The following RAF1 variants were observed in gnomAD, a reference collection of about 807,000 sequenced individuals.
RAF1 encodes RAF proto-oncogene serine/threonine-protein kinase.
RAF1 carries 27 observed loss-of-function variants against 81.1 expected under a neutral mutation model. That is an observed-to-expected ratio of 0.33 (90% confidence interval 0.25 to 0.46). The LOEUF is 0.46. Ranked by LOEUF, RAF1 falls within the 20% of genes least tolerant of loss-of-function variation. The probability of loss-of-function intolerance (pLI) is 1.00; values close to 1 mark genes in which losing one functional copy is unlikely to be tolerated. For missense variants in RAF1, 598 were observed against 826.0 expected (o/e 0.72, Z 3.38); for synonymous variants, 298 against 294.0 (o/e 1.01, Z -0.14).
chr3:12,634,675 G>T (rs74393991), intron 1 of RAF1, among the ~76,000 whole-genome samples: 2,165 of 151,820 alleles, frequency 0.014, 32 homozygotes, highest in Admixed American at 0.044. Flanking sequence ...TTTTTTTCTT[G>T]AGAGTGCCAG....
At chr3:12,650,076 G>A (rs1184534572) in intron 1 of RAF1, among the ~76,000 whole-genome samples, 1 of 150,234 alleles carries the variant, frequency 6.7e-6, no homozygotes, top group Non-Finnish European at 1.5e-5. Context: ...AACCCAGGAG[G>A]CGGAGGTCGC....
At chr3:12,592,753 T>C (rs920071822) in intron 11 of RAF1, among the ~76,000 whole-genome samples, 4 of 131,086 alleles carry the variant, frequency 3.1e-5, no homozygotes, top group Non-Finnish European at 6.7e-5. Context: ...TTTTTTTTTT[T>C]GAGACAGAGT....
intron 1 of RAF1, among the ~76,000 whole-genome samples, chr3:12,653,483 T>C (rs1232939303): frequency 6.6e-6 from 1 of 152,140 alleles, no homozygotes; most frequent in Non-Finnish European, 1.5e-5. Flanking sequence ...CATTGGCTCA[T>C]TCCTGTCATC....
chr3:12,643,497 T>C (rs1575654110), intron 1 of RAF1, among the ~76,000 whole-genome samples: 1 of 152,266 alleles, frequency 6.6e-6, no homozygotes, highest in Non-Finnish European at 1.5e-5. Flanking sequence ...TCCCAGCACT[T>C]TGAGAGGCTG....
intron 6 of RAF1, among the ~76,000 whole-genome samples, chr3:12,604,754 T>A (rs766238287): frequency 1.6e-4 from 25 of 152,292 alleles, no homozygotes; most frequent in Non-Finnish European, 1.6e-4. Context: ...CTGTTTGTCC[T>A]TACCTGCTAC....
At chr3:12,591,002 G>A (rs750873446) in intron 12 of RAF1, 28 bp from the exon 12 acceptor site, 3 of 1,580,676 alleles carry the variant, frequency 1.9e-6, no homozygotes, top group Admixed American at 3.4e-5. Flanking sequence ...AGAGAGGAGA[G>A]GGAGGAGGAA....
chr3:12,587,962 CTTTTT>C (rs33981119), intron 13 of RAF1: 48 of 62,680 alleles, frequency 7.7e-4, no homozygotes, highest in South Asian at 3.8e-3. Flanking sequence ...ACCATGCCGC[CTTTTT>C]TTTTTTTTTT....
intron 1 of RAF1, among the ~76,000 whole-genome samples, chr3:12,629,440 ATG>A (rs2059801412): frequency 6.6e-6 from 1 of 152,210 alleles, no homozygotes; most frequent in Non-Finnish European, 1.5e-5. Context: ...ATATTAGCTA[ATG>A]TATTAGCTAA....
intron 2 of RAF1, among the ~76,000 whole-genome samples, chr3:12,617,109 A>G (rs555639199): frequency 7.9e-5 from 12 of 151,248 alleles, no homozygotes; most frequent in Admixed American, 2.0e-4. Flanking sequence ...GCCCGGCTAC[A>G]TTTTTGTTGT....
chr3:12,637,767 C>T (rs1383879023), intron 1 of RAF1, among the ~76,000 whole-genome samples: 4 of 151,878 alleles, frequency 2.6e-5, no homozygotes, highest in Non-Finnish European at 5.9e-5. Context: ...GCAGGAAAAG[C>T]GCTTGAACCC....
intron 8 of RAF1, among the ~76,000 whole-genome samples, chr3:12,603,225 C>T (rs2058918847): frequency 2.0e-5 from 3 of 152,080 alleles, no homozygotes; most frequent in South Asian, 2.1e-4. Context: ...AGACATACAC[C>T]GTCATGCCTG....
intron 11 of RAF1, among the ~76,000 whole-genome samples, chr3:12,597,811 A>G (rs1192058849): frequency 6.6e-6 from 1 of 151,818 alleles, no homozygotes. Context: ...GCTACTTGGG[A>G]GGCTGAGGCA....
intron 5 of RAF1, among the ~76,000 whole-genome samples, chr3:12,607,720 A>C (rs1250700195): frequency 2.0e-5 from 3 of 151,938 alleles, no homozygotes; most frequent in Non-Finnish European, 2.9e-5. Flanking sequence ...TGGGAGGCCG[A>C]GGTGGGCAGA....
At chr3:12,625,157 C>T (rs1303682766) in intron 1 of RAF1, among the ~76,000 whole-genome samples, 1 of 151,994 alleles carries the variant, frequency 6.6e-6, no homozygotes, top group Non-Finnish European at 1.5e-5. Flanking sequence ...AATCTCTGCT[C>T]ATTGCAGCCT....
chr3:12,606,730 G>C (rs1227410454), intron 5 of RAF1, among the ~76,000 whole-genome samples: 1 of 151,788 alleles, frequency 6.6e-6, no homozygotes, highest in Non-Finnish European at 1.5e-5. Context: ...TATACTTTAA[G>C]TTTTAGGGTA....
chr3:12,646,404 T>C (rs1266151201), intron 1 of RAF1, among the ~76,000 whole-genome samples: 1 of 152,170 alleles, frequency 6.6e-6, no homozygotes, highest in Non-Finnish European at 1.5e-5. Context: ...AGGTGGAGTC[T>C]TCCTCTGTCA....
Position 12,585,742 on chromosome 3 carries a change from A to G in RAF1, c.1535T>C (p.Val512Ala), listed in dbSNP as rs1032296179. ...CTGAGAACCACTCCAGCGTGACTTT[A>G]CTGTTGCCAAACCAAAATCTCCAAT... Residue 512 changes from valine (V) to alanine (A), a missense_variant, in exon 15 of 18, where the codon GTA becomes GCA. Coordinates refer to ENST00000442415, the MANE Select transcript of RAF1 (RefSeq NM_001354689.3). 6.2e-7 allele frequency: 1 copy of G among 1,614,064 alleles called. No homozygotes were observed. Among genetic ancestry groups the G allele is most frequent in the Non-Finnish European group, 8.5e-7 (1 of 1,180,028 alleles).
intron 1 of RAF1, among the ~76,000 whole-genome samples, chr3:12,636,918 T>C (rs1201830748): frequency 6.6e-6 from 1 of 152,188 alleles, no homozygotes; most frequent in East Asian, 1.9e-4. Context: ...ACTTTTGGTT[T>C]AGTAGATAAA....
chr3:12,634,959 C>T (rs191909767), intron 1 of RAF1, among the ~76,000 whole-genome samples: 2 of 152,164 alleles, frequency 1.3e-5, no homozygotes, highest in Admixed American at 1.3e-4. Context: ...GATATGTATA[C>T]AAGATATAAA....
Sources: gnomAD v4.1 joint callset for allele counts (sites outside exome capture counted in the v4.1 genomes callset) on GRCh38, gnomAD v4.1.1 for gene constraint, MANE v1.5 for transcripts, NCBI Gene and HGNC (gene_info 2026-07-23, HGNC 2026-07-21) for gene names.